Variants in BIN2 observed in about 807,000 individuals in gnomAD.
The protein encoded by BIN2 is bridging integrator 2, also known as breast cancer associated protein BRAP1.
In BIN2, 43 loss-of-function variants were observed where a neutral mutation model predicts 67.9. That is an observed-to-expected ratio of 0.63 (90% CI 0.50 to 0.82). The LOEUF (loss-of-function observed/expected upper bound fraction) is 0.82, where lower values mean the gene tolerates loss of function less well. Ranked by LOEUF, BIN2 falls within the 40% of genes least tolerant of loss-of-function variation. The pLI, the probability that BIN2 is intolerant of heterozygous loss-of-function variation, is 0.00. For synonymous variants in BIN2, 244 were observed against 246.8 expected (o/e 0.99, Z 0.11); for missense variants, 581 against 671.6 (o/e 0.87, Z 1.49).
intron 8 of BIN2, 74 bp downstream of exon 8, chr12:51,297,015 C>G: frequency 5.9e-6 from 8 of 1,362,468 alleles, no homozygotes; most frequent in Non-Finnish European, 7.2e-6. Context: ...TTAAAGAAAT[C>G]ATGTAAGTCA....
chr12:51,319,359 G>A (rs929824617), intron 1 of BIN2, among the ~76,000 whole-genome samples: 2 of 152,172 alleles, frequency 1.3e-5, no homozygotes, highest in African/African-American at 4.8e-5. Context: ...CAGTACTCTG[G>A]AGCCAAAGTA....
At chr12:51,295,636 T>A (rs1249290086) in intron 9 of BIN2, among the ~76,000 whole-genome samples, 160 bp downstream of exon 9, 33 of 111,418 alleles carry the variant, frequency 3.0e-4, no homozygotes, top group Non-Finnish European at 4.0e-4. Context: ...ATATATTTAG[T>A]AAAAAGCAAA....
intron 1 of BIN2, among the ~76,000 whole-genome samples, chr12:51,316,805 C>T (rs2137439740): frequency 6.6e-6 from 1 of 152,298 alleles, no homozygotes; most frequent in East Asian, 1.9e-4. Context: ...ATTATTCACT[C>T]CCTTCCAAGT....
chr12:51,288,254 C>A lies in BIN2; in HGVS notation c.1516-66G>T. 5.1e-6 allele frequency: 7 copies of A among 1,377,484 alleles called. No homozygotes were observed. In the South Asian group the frequency reaches 7.0e-5, roughly 14 times the overall value. 85.3% of individuals were successfully genotyped at this position (1,377,484 alleles called of 1,614,324 possible). A position where few individuals can be genotyped will look rare whatever the true frequency, so the allele number is the denominator to read the frequency against. On this transcript the variant is annotated intron_variant, in intron 10 of 12. Transcript: ENST00000615107. ...CTTCCACCTGGGGGCCATCCCTGTG[C>A]CCTTGGTCCATATTAGCTCCTCTCA...
chr12:51,320,311 C>T (rs940259210), intron 1 of BIN2, among the ~76,000 whole-genome samples: 1 of 152,154 alleles, frequency 6.6e-6, no homozygotes, highest in Non-Finnish European at 1.5e-5. Context: ...TGAGCCATGG[C>T]GCTTGGCCGG....
At chr12:51,288,418 A>ATG (rs1945297509) in intron 10 of BIN2, among the ~76,000 whole-genome samples, 1 of 152,110 alleles carries the variant, frequency 6.6e-6, no homozygotes, top group Non-Finnish European at 1.5e-5. Context: ...CATTGCTCAC[A>ATG]TGTCACCGCT....
intron 10 of BIN2, among the ~76,000 whole-genome samples, chr12:51,289,603 G>A (rs1018060116): frequency 2.6e-5 from 4 of 152,050 alleles, no homozygotes; most frequent in African/African-American, 9.7e-5. Context: ...GTGACAGAGT[G>A]AGACCCTGTC....
At chr12:51,288,506 A>G (rs1945300748) in intron 10 of BIN2, among the ~76,000 whole-genome samples, 2 of 152,006 alleles carry the variant, frequency 1.3e-5, no homozygotes, top group Admixed American at 1.3e-4. Flanking sequence ...ATCACTTATC[A>G]TTACTAGATT....
At chr12:51,324,333 G>C (rs757652826), upstream of BIN2, 2 of 1,329,248 alleles carry the variant, frequency 1.5e-6, no homozygotes, top group Non-Finnish European at 2.0e-6. Flanking sequence ...GCGCTCGCTC[G>C]AGGCCAGCTT....
intron 7 of BIN2, among the ~76,000 whole-genome samples, chr12:51,298,294 TC>T (rs1279935883): frequency 4.6e-5 from 7 of 151,952 alleles, no homozygotes; most frequent in African/African-American, 1.7e-4. Context: ...ATCGCTTGAA[TC>T]CGGGAGGTGG....
intron 4 of BIN2, chr12:51,302,397 G>T (rs534591324): frequency 2.3e-5 from 12 of 522,626 alleles, no homozygotes; most frequent in Non-Finnish European, 3.8e-5. Flanking sequence ...GTGTATAACT[G>T]CATGAAGTTT....
At chr12:51,303,178 T>C (rs1256664163) in intron 2 of BIN2, 37 bp from the exon 3 acceptor site, 1 of 1,602,424 alleles carries the variant, frequency 6.2e-7, no homozygotes, top group East Asian at 2.2e-5. Flanking sequence ...CTAAAGAGAT[T>C]AATATTTCAA....
intron 2 of BIN2, among the ~76,000 whole-genome samples, chr12:51,311,527 G>A (rs1485763658): frequency 6.6e-6 from 1 of 151,924 alleles, no homozygotes; most frequent in Non-Finnish European, 1.5e-5. Context: ...CTACAAGCAT[G>A]TGCTACCACA....
intron 1 of BIN2, among the ~76,000 whole-genome samples, chr12:51,319,761 TA>T (rs1395779363): frequency 5.3e-5 from 8 of 152,084 alleles, no homozygotes; most frequent in African/African-American, 9.7e-5. Context: ...AATAGAGCTT[TA>T]AAAAAAATTA....
intron 1 of BIN2, among the ~76,000 whole-genome samples, chr12:51,315,239 G>A (rs1219586944): frequency 6.6e-6 from 1 of 151,538 alleles, no homozygotes; most frequent in Non-Finnish European, 1.5e-5. Context: ...GCACTATCTC[G>A]GCTCACTGCA....
Position 51,287,796 on chromosome 12 carries a change from C to T in BIN2, c.1596+312G>A, listed in dbSNP as rs12581670. Among the ~76,000 whole-genome samples, 1,245 of 152,096 alleles carry T rather than the reference C, an allele frequency of 8.2e-3. 31 individuals carry two copies. In the East Asian group the frequency reaches 0.1, roughly 13 times the overall value. On this transcript the variant is annotated intron_variant, in intron 11 of 12. Transcript: ENST00000615107. ...CCTCCCGAGTAGCTGGGAATACAGG[C>T]ACCCGCCACCACACCCGGCTAATTT...
At chr12:51,295,982 C>T (rs1945556338) in intron 8 of BIN2, 104 bp from the exon 9 acceptor site, 1 of 867,646 alleles carries the variant, frequency 1.2e-6, no homozygotes, top group African/African-American at 1.7e-5. Context: ...TAAAACCTCC[C>T]CCTTTCAATT....
chr12:51,288,349 T>C (rs1945294486), intron 10 of BIN2, among the ~76,000 whole-genome samples, 161 bp from the exon 11 acceptor site: 1 of 152,046 alleles, frequency 6.6e-6, no homozygotes, highest in South Asian at 2.1e-4. Flanking sequence ...ATCTAACGAG[T>C]GTCAGAAATC....
intron 1 of BIN2, among the ~76,000 whole-genome samples, chr12:51,314,323 C>G (rs1308669903): frequency 6.6e-6 from 1 of 151,482 alleles, no homozygotes; most frequent in African/African-American, 2.4e-5. Flanking sequence ...GCTGGGATTA[C>G]AGGCGTGAGC....
Sources: allele counts gnomAD v4.1 joint callset (sites outside exome capture counted in the v4.1 genomes callset), GRCh38; gene constraint gnomAD v4.1.1; transcripts MANE v1.5; gene names NCBI Gene and HGNC (gene_info 2026-07-23, HGNC 2026-07-21).